The following NOX3 variants were observed in gnomAD, a reference collection of about 807,000 sequenced individuals.
NOX3 encodes the protein NADPH oxidase 3, also known as NADPH oxidase catalytic subunit-like 3.
Under a neutral mutation model 76.7 loss-of-function variants are expected in NOX3, and 74 were observed. The ratio of observed to expected loss-of-function variants is 0.96; its 90% CI spans 0.80 to 1.17. The LOEUF (loss-of-function observed/expected upper bound fraction) is 1.17. Among genes scored for constraint, NOX3 ranks in the 50% most tolerant of loss-of-function variants. The pLI is 0.00. For synonymous variants in NOX3, 263 were observed against 261.1 expected (o/e 1.01, Z -0.07); for missense variants, 695 against 703.3 (o/e 0.99, Z 0.13).
chr6:155,424,839 A>T (rs1776735977), intron 9 of NOX3, among the ~76,000 whole-genome samples: 2 of 152,206 alleles, frequency 1.3e-5, no homozygotes, highest in Non-Finnish European at 2.9e-5. Context: ...TTCATTTTTA[A>T]AAAATAATCA....
Position 155,396,906 on chromosome 6 carries a change from T to G in NOX3, c.1637A>C (p.Lys546Thr). The change falls in exon 13 of 14, where the codon AAG becomes ACG. Residue 546 changes from lysine to threonine, a missense_variant. Transcript: ENST00000159060. ...GPKALSRTLQKMCHLYSSADP... is the reference protein window; with the variant it reads ...GPKALSRTLQTMCHLYSSADP... The stretch of plus-strand genomic sequence containing the variant: ...AGCTGATGAATACAAGTGGCACATC[T>G]TTTGAAGTGTCCTCGAGAGAGCTTT... The G allele has an allele frequency of 1.2e-6, 2 of 1,613,410 alleles. No homozygotes were observed. Among genetic ancestry groups the G allele is most frequent in the Non-Finnish European group, 1.7e-6 (2 of 1,179,482 alleles).
In NOX3 at chr6:155,436,514, G is replaced by C. The variant is rs988527008; in HGVS notation, c.702C>G (p.Leu234=). ...TACAGAAGGTGATGTTGTGCAGAGA[G>C]AGACTGTCTTGGGTTTGGCCTCGAA... is the stretch of plus-strand genomic sequence containing the variant. ...RIVRGQTQDS[L]SLHNITFCRD... Residue 234 remains leucine, a synonymous_variant, in exon 7 of 14, where the codon CTC becomes CTG. Coordinates refer to ENST00000159060, the MANE Select transcript of NOX3 (RefSeq NM_015718.3). The C allele has an allele frequency of 6.2e-7, 1 of 1,614,150 alleles. No individual in the cohort carries two copies. Among genetic ancestry groups the C allele is most frequent in the Non-Finnish European group, 8.5e-7 (1 of 1,179,998 alleles).
At chr6:155,437,164 G>T (rs993380862) in intron 6 of NOX3, among the ~76,000 whole-genome samples, 1 of 152,194 alleles carries the variant, frequency 6.6e-6, no homozygotes, top group African/African-American at 2.4e-5. Flanking sequence ...ACTGGACGAA[G>T]AGTCCTATAA....
chr6:155,422,849 C>T lies in NOX3; in HGVS notation c.1153G>A (p.Val385Met). 6.2e-7 allele frequency: 1 copy of T among 1,614,162 alleles called. No individual in the cohort carries two copies. The change falls in exon 10 of 14, where the codon GTG (valine) becomes ATG (methionine). Residue 385 changes from valine (V) to methionine (M), a missense_variant. By Grantham distance (21) the Val-to-Met change is conservative. Transcript: ENST00000159060. Reference sequence around the variant, plus strand: ...AGGGCAGTTCCAAAGGGCCCGTCCACTGCCAGCCTGGAATCATAGAGGAAT... The same window carrying T: ...AGGGCAGTTCCAAAGGGCCCGTCCATTGCCAGCCTGGAATCATAGAGGAAT... ...QEPWSLPRLA[V>M]DGPFGTALTD...
intron 10 of NOX3, among the ~76,000 whole-genome samples, chr6:155,417,498 A>G (rs1483793417): frequency 1.3e-5 from 2 of 152,224 alleles, no homozygotes; most frequent in African/African-American, 4.8e-5. Flanking sequence ...GCACAGAGCA[A>G]TGGTGAGGGC....
chr6:155,454,751 A>T lies in NOX3; in HGVS notation c.255+60T>A, dbSNP rs1406102383. 5.1e-6 allele frequency: 5 copies of T among 978,748 alleles called. No individual in the cohort carries two copies. In the East Asian group the frequency reaches 1.3e-4, roughly 26 times the overall value. 60.6% of individuals were successfully genotyped at this position (978,748 alleles called of 1,614,324 possible). On this transcript the variant is annotated intron_variant, in intron 3 of 13. Transcript: ENST00000159060. ...TCATAATAAAGTACATTTTTTTTCA[A>T]TGGCACTTATATGAGGAAGTCGTAA...
At chr6:155,429,576 G>A (rs188940629) in intron 8 of NOX3, among the ~76,000 whole-genome samples, 3 of 152,016 alleles carry the variant, frequency 2.0e-5, no homozygotes, top group African/African-American at 7.2e-5. Context: ...TTTCTTTTTG[G>A]TTGAGTCTCA....
chr6:155,429,125 G>A (rs1356591399), intron 8 of NOX3, 78 bp from the exon 9 acceptor site: 10 of 1,338,728 alleles, frequency 7.5e-6, no homozygotes, highest in African/African-American at 1.5e-5. Flanking sequence ...CAAAGGTGTT[G>A]AAAATTTTAG....
Position 155,442,495 on chromosome 6 carries a change from T to C in NOX3, c.486+778A>G, listed in dbSNP as rs112863237. ...GAGGGATTTTCATTGCTGAAGTGTA[T>C]TGCCTTACGGCTTTTCTTGGGCAAT... On this transcript the variant is annotated intron_variant, in intron 5 of 13. Transcript: ENST00000159060. Among the ~76,000 whole-genome samples, 973 of 152,316 alleles carry C rather than the reference T, an allele frequency of 6.4e-3. 10 individuals are homozygous for C. The highest frequency in any genetic ancestry group is 0.022 in the African/African-American group (923 of 41,566).
intron 10 of NOX3, among the ~76,000 whole-genome samples, chr6:155,421,609 G>T (rs1776690674): frequency 6.6e-6 from 1 of 152,164 alleles, no homozygotes; most frequent in Non-Finnish European, 1.5e-5. Context: ...TGTTGCCCAG[G>T]CTGGAGTGCA....
Position 155,428,853 on chromosome 6 carries a change from C to T in NOX3, c.1086G>A (p.Ala362=), listed in dbSNP as rs765454525. 19 of 1,602,274 alleles carry T rather than the reference C, an allele frequency of 1.2e-5. 1 individual carries two copies. Among genetic ancestry groups the T allele is most frequent in the East Asian group, 4.5e-5 (2 of 44,494 alleles). Residue 362 remains alanine, a synonymous_variant, in exon 9 of 14, where the codon GCG becomes GCA. Transcript: ENST00000159060. ...CCTCTGCCCCAAAGGCCTCCAGTAG[C>T]GCTGCTGTCCAGTCTCCTGCTGCCC... The part of the protein sequence containing the change: ...HIRAAGDWTA[A]LLEAFGAEGQ...
At chr6:155,416,741 A>ATTTTTTTTTT (rs1225392241) in intron 10 of NOX3, among the ~76,000 whole-genome samples, 5 of 100,128 alleles carry the variant, frequency 5.0e-5, no homozygotes, top group African/African-American at 1.3e-4. Flanking sequence ...CATCTGAAAC[A>ATTTTTTTTTT]TTCTTTTTTT....
At chr6:155,447,726 T>A (rs926779008) in intron 4 of NOX3, among the ~76,000 whole-genome samples, 2 of 152,246 alleles carry the variant, frequency 1.3e-5, no homozygotes, top group African/African-American at 4.8e-5. Context: ...TCAGGCATTC[T>A]CAGAGAGAAA....
intron 12 of NOX3, among the ~76,000 whole-genome samples, chr6:155,402,285 T>C (rs1427534599): frequency 6.6e-6 from 1 of 152,242 alleles, no homozygotes; most frequent in African/African-American, 2.4e-5. Flanking sequence ...TTTTGTTTCA[T>C]AGTACTTTTC....
At chr6:155,439,521 C>T (rs62429662) in intron 6 of NOX3, among the ~76,000 whole-genome samples, 19,088 of 152,184 alleles carry the variant, frequency 0.13, 1,273 homozygotes, top group South Asian at 0.15. Context: ...GACCCCACAC[C>T]AGACTGCCCA....
chr6:155,410,435 A>T (rs1776527268), intron 11 of NOX3, among the ~76,000 whole-genome samples: 1 of 152,168 alleles, frequency 6.6e-6, no homozygotes, highest in Non-Finnish European at 1.5e-5. Flanking sequence ...ATATATCAAT[A>T]ATAGCTGCTG....
chr6:155,426,338 C>A (rs1776754619), intron 9 of NOX3, among the ~76,000 whole-genome samples: 1 of 152,098 alleles, frequency 6.6e-6, no homozygotes, highest in Admixed American at 6.5e-5. Context: ...CAAACAGAGG[C>A]CCTTTTCTCA....
At chr6:155,452,131 GC>G (rs1251484000) in intron 4 of NOX3, among the ~76,000 whole-genome samples, 1 of 152,190 alleles carries the variant, frequency 6.6e-6, no homozygotes, top group African/African-American at 2.4e-5. Context: ...TCTGTGATGA[GC>G]CTATCAAGGA....
At chr6:155,445,476 A>G (rs1777048181) in intron 4 of NOX3, among the ~76,000 whole-genome samples, 2 of 152,158 alleles carry the variant, frequency 1.3e-5, no homozygotes. Context: ...TAGAAATGCT[A>G]TCTTCTATGC....
Sources: allele counts gnomAD v4.1 joint callset (sites outside exome capture counted in the v4.1 genomes callset), GRCh38; gene constraint gnomAD v4.1.1; transcripts MANE v1.5; gene names NCBI Gene and HGNC (gene_info 2026-07-23, HGNC 2026-07-21).